The following AKT3 variants were observed in gnomAD, a reference collection of about 807,000 sequenced individuals.
AKT3 encodes the protein AKT serine/threonine kinase 3.
In AKT3, 15 loss-of-function variants were observed where a neutral mutation model predicts 65.3. That is an observed-to-expected ratio of 0.23 (90% CI 0.15 to 0.35). The LOEUF (loss-of-function observed/expected upper bound fraction) is 0.35. AKT3 is among the 10% of genes least tolerant of loss of function. AKT3 has a pLI of 1.00. For synonymous variants in AKT3, 206 were observed against 183.8 expected, an observed-to-expected ratio of 1.12 and a Z score of -0.98; for missense variants, 243 against 576.5, an observed-to-expected ratio of 0.42 and a Z score of 5.92.
chr1:243,528,161 C>T (rs1671283695), intron 12 of AKT3, among the ~76,000 whole-genome samples: 1 of 152,238 alleles, frequency 6.6e-6, no homozygotes, highest in African/African-American at 2.4e-5. Flanking sequence ...ACTCACTTTA[C>T]ATCTTACTAT....
At chr1:243,571,100 C>T (rs1029747592) in intron 9 of AKT3, among the ~76,000 whole-genome samples, 4 of 151,942 alleles carry the variant, frequency 2.6e-5, no homozygotes, top group East Asian at 1.9e-4. Context: ...CAGGCGGTCA[C>T]GAGGTCAGGA....
rs747882785 is a variant in AKT3, at chr1:243,500,097, G to A, written c.*5152C>T. The stretch of plus-strand genomic sequence containing the variant: ...ATAAATGAACTTTTTAAAGACTTGA[G>A]TTGTAATGTTTCCTTTTTATCTTGT... On this transcript the variant is annotated 3_prime_UTR_variant, in exon 14 of 14. Transcript: ENST00000673466. 7 of 396,524 alleles carry A rather than the reference G, an allele frequency of 1.8e-5. No individual in the cohort carries two copies. Among genetic ancestry groups the A allele is most frequent in the Non-Finnish European group, 2.7e-5 (6 of 221,368 alleles). 24.6% of individuals were successfully genotyped at this position (396,524 alleles called of 1,614,324 possible).
rs577576851 is a variant in AKT3, at chr1:243,795,450, T to G, written c.46+47675A>C. On this transcript the variant is annotated intron_variant, in intron 2 of 13. Transcript: ENST00000673466. ...GCGTAGGTTTCCCTTGATCTCCTTG[T>G]TTTTTTTTTTTGTTTTTTTTTTTTG... 2.6e-3 allele frequency among the ~76,000 whole-genome samples: 283 copies of G among 109,984 alleles called. 1 individual carries two copies. Among genetic ancestry groups the G allele is most frequent in the Middle Eastern group, 9.8e-3 (2 of 204 alleles). The allele number at this position is 109,984 out of a possible 152,430, so 72.2% of individuals were successfully genotyped here. A position where few individuals can be genotyped will look rare whatever the true frequency, so the allele number is the denominator to read the frequency against.
At chr1:243,798,798 A>G (rs762371679) in intron 2 of AKT3, among the ~76,000 whole-genome samples, 1 of 151,760 alleles carries the variant, frequency 6.6e-6, no homozygotes, top group African/African-American at 2.4e-5. Flanking sequence ...TTAACCTTCA[A>G]CTCCACACTG....
chr1:243,494,896 G>A (rs868367291), downstream of AKT3, among the ~76,000 whole-genome samples: 3 of 152,116 alleles, frequency 2.0e-5, no homozygotes, highest in Admixed American at 6.5e-5. Context: ...CTGTAATTCC[G>A]TCACATTACA....
At chr1:243,707,806 C>G (rs547535494) in intron 2 of AKT3, among the ~76,000 whole-genome samples, 2 of 152,078 alleles carry the variant, frequency 1.3e-5, no homozygotes, top group Admixed American at 6.5e-5. Context: ...AGGTCTTTAC[C>G]TCTACTTTAA....
chr1:243,806,582 T>C (rs1004601793), intron 2 of AKT3, among the ~76,000 whole-genome samples: 1 of 152,240 alleles, frequency 6.6e-6, no homozygotes, highest in Non-Finnish European at 1.5e-5. Context: ...AATGGGTAAG[T>C]ACTTTCAGAC....
chr1:243,664,200 T>G (rs1181925056), intron 4 of AKT3, among the ~76,000 whole-genome samples: 2 of 130,642 alleles, frequency 1.5e-5, no homozygotes, highest in African/African-American at 5.8e-5. Flanking sequence ...TTTTTTTTTT[T>G]TTTTTTTTTT....
intron 4 of AKT3, among the ~76,000 whole-genome samples, chr1:243,648,894 A>AT (rs1175733055): frequency 6.7e-6 from 1 of 149,854 alleles, no homozygotes; most frequent in Non-Finnish European, 1.5e-5. Context: ...ATTCTCTACT[A>AT]TTTTTCTGTT....
chr1:243,527,498 A>G (rs1671189587), intron 12 of AKT3, among the ~76,000 whole-genome samples: 1 of 152,080 alleles, frequency 6.6e-6, no homozygotes, highest in South Asian at 2.1e-4. Context: ...TATAATCATT[A>G]TAATTTTTTC....
At chr1:243,812,841 T>TA (rs1236323515) in intron 2 of AKT3, among the ~76,000 whole-genome samples, 4 of 152,038 alleles carry the variant, frequency 2.6e-5, no homozygotes, top group Admixed American at 6.6e-5. Context: ...TATGCAGCCA[T>TA]AAAAATGATG....
At chr1:243,682,896 C>T (rs1193696985) in intron 3 of AKT3, among the ~76,000 whole-genome samples, 1 of 152,146 alleles carries the variant, frequency 6.6e-6, no homozygotes, top group African/African-American at 2.4e-5. Context: ...TTAATGATAC[C>T]TCTTTTTCCT....
intron 4 of AKT3, among the ~76,000 whole-genome samples, chr1:243,648,235 G>A (rs891521310): frequency 2.0e-5 from 3 of 151,114 alleles, no homozygotes; most frequent in Non-Finnish European, 4.4e-5. Context: ...TCCAGTGAGG[G>A]TGACAGAGCA....
chr1:243,572,250 T>C (rs905515044), intron 9 of AKT3, among the ~76,000 whole-genome samples: 2 of 152,194 alleles, frequency 1.3e-5, no homozygotes, highest in Admixed American at 6.5e-5. Context: ...TACTGGAACA[T>C]AGCCAAACAT....
In AKT3 at chr1:243,638,894, T is replaced by A. The variant is rs184214910; in HGVS notation, c.430-1152A>T. Among the ~76,000 whole-genome samples, 4 of 151,874 alleles carry A rather than the reference T, an allele frequency of 2.6e-5. No homozygotes were observed. The East Asian group carries it at 7.7e-4, about 29-fold the overall frequency. On this transcript the variant is annotated intron_variant, in intron 5 of 13. Transcript: ENST00000673466. Reference sequence around the variant, plus strand: ...GATACAGATCAGAGCAGAAATCAATTAAATTTTTAAAAGAAAGAAAAAGAG... The same window carrying A: ...GATACAGATCAGAGCAGAAATCAATAAAATTTTTAAAAGAAAGAAAAAGAG...
intron 10 of AKT3, among the ~76,000 whole-genome samples, chr1:243,556,479 A>T (rs915970441): frequency 4.7e-4 from 71 of 152,176 alleles, no homozygotes; most frequent in African/African-American, 1.7e-3. Context: ...CAGCTTGCCC[A>T]CCAGGCCACA....
At chr1:243,589,384 A>G (rs1011340161) in intron 8 of AKT3, among the ~76,000 whole-genome samples, 2 of 152,038 alleles carry the variant, frequency 1.3e-5, no homozygotes, top group Non-Finnish European at 2.9e-5. Context: ...ACCTGAATAT[A>G]CTTTTCAAAG....
At chr1:243,760,490 T>A (rs1689422056) in intron 2 of AKT3, among the ~76,000 whole-genome samples, 1 of 152,074 alleles carries the variant, frequency 6.6e-6, no homozygotes, top group South Asian at 2.1e-4. Context: ...TTAATCTTCA[T>A]TATTCATGGA....
At chr1:243,744,250 G>A (rs192781974) in intron 2 of AKT3, among the ~76,000 whole-genome samples, 80 of 152,308 alleles carry the variant, frequency 5.3e-4, no homozygotes, top group African/African-American at 1.8e-3. Flanking sequence ...AATATATGCT[G>A]TAGAAGTCAT....
Sources: allele counts gnomAD v4.1 joint callset (sites outside exome capture counted in the v4.1 genomes callset), GRCh38; gene constraint gnomAD v4.1.1; transcripts MANE v1.5; gene names NCBI Gene and HGNC (gene_info 2026-07-23, HGNC 2026-07-21).